ZHX3: variants seen among roughly 807,000 people sequenced by gnomAD.
ZHX3 encodes zinc fingers and homeoboxes 3, also known as zinc fingers and homeoboxes protein 3.
Under a neutral mutation model 64.5 loss-of-function variants are expected in ZHX3, and 20 were observed. The ratio of observed to expected loss-of-function variants is 0.31; its 90% confidence interval spans 0.22 to 0.45. The LOEUF is 0.45. Among genes scored for constraint, ZHX3 ranks in the 20% least tolerant of loss-of-function variants. ZHX3 has a pLI of 1.00. For synonymous variants in ZHX3, 423 were observed against 461.6 expected (o/e 0.92, Z 1.07); for missense variants, 1,041 against 1,195.8 (o/e 0.87, Z 1.91).
In ZHX3 at chr20:41,204,364, G is replaced by T; in HGVS notation, c.553C>A (p.Pro185Thr). 1 of 1,614,144 alleles carries T rather than the reference G, an allele frequency of 6.2e-7. No homozygotes were observed. Among genetic ancestry groups the T allele is most frequent in the Non-Finnish European group, 8.5e-7 (1 of 1,180,040 alleles). Residue 185 changes from proline to threonine, a missense_variant, in exon 3 of 4, where the codon CCA becomes ACA. Around this residue, in one of 4 missense-constraint regions of ZHX3, gnomAD observed 358 missense variants for 369.1 expected, o/e 0.97. Coordinates refer to ENST00000683867, the MANE Select transcript of ZHX3 (RefSeq NM_001384317.1). The surrounding 1 kb of genome is among the most constrained non-coding windows in gnomAD (Gnocchi z 6.6). Reference protein sequence around the residue: ...GQAEIIITKTPIMKIMKGKAE... With the variant: ...GQAEIIITKTTIMKIMKGKAE... ...TTGCCTTTCATTATCTTCATGATTG[G>T]AGTTTTGGTAATGATGATTTCTGCC...
At chr20:41,305,180 T>C (rs78203536) in intron 1 of ZHX3, among the ~76,000 whole-genome samples, 63 of 152,332 alleles carry the variant, frequency 4.1e-4, no homozygotes, top group African/African-American at 1.4e-3. Context: ...TACAACGAAA[T>C]GTCTTAGTTG....
intron 1 of ZHX3, among the ~76,000 whole-genome samples, chr20:41,286,864 A>C (rs2043962403): frequency 6.6e-6 from 1 of 152,102 alleles, no homozygotes; most frequent in South Asian, 2.1e-4. Flanking sequence ...ATAGTGAGGG[A>C]GTTCTCTCAC....
rs530020421 is a variant in ZHX3, at chr20:41,226,483, AT to A, written c.-150-21418del. On this transcript the variant is annotated intron_variant, in intron 2 of 3. Coordinates refer to ENST00000683867, the MANE Select transcript of ZHX3 (RefSeq NM_001384317.1). This position sits in a 1 kb window ranked among gnomAD's most constrained non-coding sequence, Gnocchi z 4.4. ...TGCTTCCCCCTCTTGGTTATTGTGA[AT>A]AATGCTGCAGTGAATATGGGTGTGC... 1.8e-4 allele frequency among the ~76,000 whole-genome samples: 28 copies of A among 152,264 alleles called. No individual in the cohort carries two copies. The highest frequency in any genetic ancestry group is 6.0e-4 in the African/African-American group (25 of 41,556).
intron 2 of ZHX3, among the ~76,000 whole-genome samples, chr20:41,227,304 G>GA (rs1383331458): frequency 6.6e-6 from 1 of 152,214 alleles, no homozygotes; most frequent in Non-Finnish European, 1.5e-5. Flanking sequence ...GAAGCAAAAG[G>GA]AAAGGAGAGG....
chr20:41,307,004 G>A (rs540889292), intron 1 of ZHX3, among the ~76,000 whole-genome samples: 5 of 152,318 alleles, frequency 3.3e-5, no homozygotes, highest in African/African-American at 1.2e-4. Flanking sequence ...CAAGAAATGG[G>A]CTTGCCAAAG....
chr20:41,264,779 C>A (rs1362481057), intron 2 of ZHX3, among the ~76,000 whole-genome samples: 1 of 151,948 alleles, frequency 6.6e-6, no homozygotes, highest in Non-Finnish European at 1.5e-5. Flanking sequence ...CGAACTTACG[C>A]TCAAAAATTT....
At chr20:41,207,158 C>T (rs1239605140) in intron 2 of ZHX3, among the ~76,000 whole-genome samples, 1 of 152,176 alleles carries the variant, frequency 6.6e-6, no homozygotes, top group East Asian at 1.9e-4. Context: ...AAGCACTAAA[C>T]ATGGAAAGGA....
At chr20:41,280,589 T>C (rs1433755886) in intron 1 of ZHX3, among the ~76,000 whole-genome samples, 1 of 150,888 alleles carries the variant, frequency 6.6e-6, no homozygotes, top group African/African-American at 2.5e-5. Context: ...TTGTTTTTTG[T>C]TTTTTTTAGT....
intron 2 of ZHX3, among the ~76,000 whole-genome samples, chr20:41,247,000 C>A (rs2041731713): frequency 6.6e-6 from 1 of 152,130 alleles, no homozygotes; most frequent in African/African-American, 2.4e-5. Context: ...GTGGCTCATG[C>A]CTGTAATCCT....
rs897490217 is a variant in ZHX3, at chr20:41,277,737, G to A, written c.-244-8654C>T. 4.2e-5 allele frequency among the ~76,000 whole-genome samples: 6 copies of A among 142,474 alleles called. 1 individual carries two copies. The highest frequency in any genetic ancestry group is 3.5e-4 in the Admixed American group (5 of 14,224). The allele number at this position is 142,474 out of a possible 152,430, so 93.5% of individuals were successfully genotyped here. On this transcript the variant is annotated intron_variant, in intron 1 of 3. Transcript: ENST00000683867. ...CTCCTGAGTAGCTGGGACTACAGGC[G>A]CCCGCTACCATGCCTGGCTAATTTT...
chr20:41,308,730 TAGGG>T (rs2045048273), intron 1 of ZHX3, among the ~76,000 whole-genome samples: 1 of 152,102 alleles, frequency 6.6e-6, no homozygotes, highest in Non-Finnish European at 1.5e-5. Context: ...CCAGGGAAAA[TAGGG>T]AGAATGGGGC....
At chr20:41,267,931 G>T (rs1366485470) in intron 2 of ZHX3, among the ~76,000 whole-genome samples, 1 of 152,192 alleles carries the variant, frequency 6.6e-6, no homozygotes, top group East Asian at 1.9e-4. Flanking sequence ...TGGTTTAGAG[G>T]ATTGATATAT....
rs1027276727 is a variant in ZHX3, at chr20:41,232,437, C to A, written c.-150-27371G>T. ...AAGCAGCAAGTGGGTAGGGTGTGTTCAGGTCTTCAACAGTCCTTTGTTGAG... is the reference window on the plus strand; with the variant it reads ...AAGCAGCAAGTGGGTAGGGTGTGTTAAGGTCTTCAACAGTCCTTTGTTGAG... On this transcript the variant is annotated intron_variant, in intron 2 of 3. Coordinates refer to ENST00000683867, the MANE Select transcript of ZHX3 (RefSeq NM_001384317.1). This position sits in a 1 kb window ranked among gnomAD's most constrained non-coding sequence, Gnocchi z 5.0. Among the ~76,000 whole-genome samples the A allele has an allele frequency of 6.6e-6, 1 of 152,158 alleles. No homozygotes were observed. The highest frequency in any genetic ancestry group is 1.5e-5 in the Non-Finnish European group (1 of 68,036).
chr20:41,243,420 T>C (rs914856539), intron 2 of ZHX3, among the ~76,000 whole-genome samples: 2 of 152,192 alleles, frequency 1.3e-5, no homozygotes, highest in South Asian at 4.1e-4. Flanking sequence ...ATTTTCCCGA[T>C]TCAATCCATA....
At chr20:41,194,360 T>C (rs193095145) in intron 3 of ZHX3, among the ~76,000 whole-genome samples, 2 of 152,310 alleles carry the variant, frequency 1.3e-5, no homozygotes, top group Admixed American at 6.5e-5. Flanking sequence ...TTTATTCTTG[T>C]AATGTGGTGA....
chr20:41,258,792 A>C (rs988052151), intron 2 of ZHX3, among the ~76,000 whole-genome samples: 2 of 152,096 alleles, frequency 1.3e-5, no homozygotes, highest in Non-Finnish European at 2.9e-5. Flanking sequence ...CTTTATAGTT[A>C]ATTAACACGT....
At chr20:41,278,442 C>T (rs1301079192) in intron 1 of ZHX3, among the ~76,000 whole-genome samples, 1 of 140,828 alleles carries the variant, frequency 7.1e-6, no homozygotes, top group Non-Finnish European at 1.6e-5. Flanking sequence ...GATGCACATG[C>T]ACAATTTTAA....
rs1325796963 is a variant in ZHX3, at chr20:41,179,282, GCTT to G, written c.*5906_*5908del. 6.6e-6 allele frequency: 1 copy of G among 152,210 alleles called. No individual in the cohort carries two copies. The highest frequency in any genetic ancestry group is 1.5e-5 in the Non-Finnish European group (1 of 68,074). The allele number at this position is 152,210 out of a possible 1,614,324, so 9.4% of individuals were successfully genotyped here. On this transcript the variant is annotated 3_prime_UTR_variant, in exon 4 of 4. Coordinates refer to ENST00000683867, the MANE Select transcript of ZHX3 (RefSeq NM_001384317.1). This position sits in a 1 kb window ranked among gnomAD's most constrained non-coding sequence, Gnocchi z 4.3. ...GGGAACCCTCTACACAGGGGTGACT[GCTT>G]CTCCCCTGGCCCCGACCCAGTCTAA...
At chr20:41,283,649 C>T (rs1302718396) in intron 1 of ZHX3, among the ~76,000 whole-genome samples, 1 of 152,070 alleles carries the variant, frequency 6.6e-6, no homozygotes, top group African/African-American at 2.4e-5. Flanking sequence ...CCCAGCTACT[C>T]AGGAGGCTGA....
Sources: gnomAD v4.1 joint callset for allele counts (sites outside exome capture counted in the v4.1 genomes callset) on GRCh38, gnomAD v4.1.1 for gene constraint, gnomAD v4.1.1 regional missense constraint, Gnocchi (gnomAD v3.1) non-coding constraint, MANE v1.5 for transcripts, NCBI Gene and HGNC (gene_info 2026-07-23, HGNC 2026-07-21) for gene names.